MDH2: variants seen among roughly 807,000 people sequenced by gnomAD.
MDH2 encodes the protein malate dehydrogenase 2.
Under a neutral mutation model 33.6 loss-of-function variants are expected in MDH2, and 25 were observed. That is an observed-to-expected ratio of 0.74 (90% confidence interval 0.54 to 1.04). MDH2 has a LOEUF of 1.04. Ranked by LOEUF, MDH2 falls within the 50% of genes least tolerant of loss-of-function variation. The pLI is 0.00. For synonymous variants in MDH2, 193 were observed against 188.7 expected (o/e 1.02, Z -0.19); for missense variants, 432 against 445.0 (o/e 0.97, Z 0.26).
chr7:76,058,575 C>T (rs1554586605), intron 4 of MDH2, among the ~76,000 whole-genome samples: 2 of 152,184 alleles, frequency 1.3e-5, no homozygotes, highest in African/African-American at 4.8e-5. Context: ...AATGCATAAA[C>T]TAGGCACAGT....
intron 7 of MDH2, 102 bp from the exon 8 acceptor site, chr7:76,064,700 T>A: frequency 7.5e-7 from 1 of 1,328,100 alleles, no homozygotes; most frequent in Non-Finnish European, 1.0e-6. Context: ...AATTCTCCAC[T>A]GTCAGGCTGG....
Position 76,066,414 on chromosome 7 carries a change from G to C in MDH2, c.*4G>C. 6.2e-7 allele frequency: 1 copy of C among 1,602,472 alleles called. No homozygotes were observed. The highest frequency in any genetic ancestry group is 2.2e-5 in the East Asian group (1 of 44,634). On this transcript the variant is annotated 3_prime_UTR_variant, in exon 9 of 9. Coordinates refer to ENST00000315758, the MANE Select transcript of MDH2 (RefSeq NM_005918.4). Reference sequence around the variant, plus strand: ...TTTCGTGAAGACCCTGAAGTGAGCCGCTGTGACGGGTGGCCAGTTTCCTTA... The same window carrying C: ...TTTCGTGAAGACCCTGAAGTGAGCCCCTGTGACGGGTGGCCAGTTTCCTTA...
chr7:76,064,458 C>T lies in MDH2; in HGVS notation c.733+20C>T, dbSNP rs782732724. ...GAGCAGGTAGAGTCTCAGGCAGCCCCGGGGCTGGGTGCCAGTGAGGCCCTG... is the reference window on the plus strand; with the variant it reads ...GAGCAGGTAGAGTCTCAGGCAGCCCTGGGGCTGGGTGCCAGTGAGGCCCTG... On this transcript the variant is annotated intron_variant, in intron 7 of 8. Transcript: ENST00000315758. 1.0e-5 allele frequency: 16 copies of T among 1,599,862 alleles called. No individual in the cohort carries two copies. In the African/African-American group the frequency reaches 1.5e-4, roughly 15 times the overall value.
chr7:76,059,499 T>C (rs370264116), intron 4 of MDH2, among the ~76,000 whole-genome samples: 6 of 152,236 alleles, frequency 3.9e-5, no homozygotes, highest in Admixed American at 1.3e-4. Flanking sequence ...CTCGGAAACG[T>C]TGAGTGCTGC....
At chr7:76,048,358 CTG>C in intron 1 of MDH2, 132 bp downstream of exon 1, 3 of 1,322,600 alleles carry the variant, frequency 2.3e-6, no homozygotes, top group East Asian at 2.7e-5. Context: ...TGGCTGGAGA[CTG>C]TGGCGCCCGG....
intron 1 of MDH2, among the ~76,000 whole-genome samples, chr7:76,053,085 T>C (rs996759122): frequency 6.6e-6 from 1 of 152,194 alleles, no homozygotes; most frequent in East Asian, 1.9e-4. Context: ...CTAAGTTAGA[T>C]AACGGAATAG....
chr7:76,066,584 G>T lies in MDH2; in HGVS notation c.*174G>T. On this transcript the variant is annotated 3_prime_UTR_variant, in exon 9 of 9. Coordinates refer to ENST00000315758, the MANE Select transcript of MDH2 (RefSeq NM_005918.4). ...GGGCGCATCAATAAAAGCCGTCCTTGATTTTATTTTTCAAGGTCCCTTCTG... is the reference window on the plus strand; with the variant it reads ...GGGCGCATCAATAAAAGCCGTCCTTTATTTTATTTTTCAAGGTCCCTTCTG... The T allele has an allele frequency of 2.6e-6, 2 of 761,580 alleles. No individual in the cohort carries two copies. Among genetic ancestry groups the T allele is most frequent in the Non-Finnish European group, 3.8e-6 (2 of 526,658 alleles). The allele number at this position is 761,580 out of a possible 1,614,324, so 47.2% of individuals were successfully genotyped here.
chr7:76,054,848 G>C lies in MDH2; in HGVS notation c.85G>C (p.Val29Leu), dbSNP rs781799479. 6.2e-7 allele frequency: 1 copy of C among 1,614,066 alleles called. No individual in the cohort carries two copies. The highest frequency in any genetic ancestry group is 2.2e-5 in the East Asian group (1 of 44,882). ...TTTTTAGAACAATGCTAAAGTAGCT[G>C]TGCTAGGGGCCTCTGGAGGCATCGG... Reference protein sequence around the residue: ...TSAQNNAKVAVLGASGGIGQP... With the variant: ...TSAQNNAKVALLGASGGIGQP... Residue 29 changes from valine (V) to leucine (L), a missense_variant, in exon 2 of 9, where the codon GTG becomes CTG. Physicochemically the swap from Val to Leu is conservative, Grantham distance 32. Coordinates refer to ENST00000315758, the MANE Select transcript of MDH2 (RefSeq NM_005918.4).
At chr7:76,054,028 G>A (rs1350617655) in intron 1 of MDH2, among the ~76,000 whole-genome samples, 1 of 152,174 alleles carries the variant, frequency 6.6e-6, no homozygotes, top group Admixed American at 6.5e-5. Flanking sequence ...CAAACTGTTT[G>A]GTATCAAAAT....
intron 1 of MDH2, among the ~76,000 whole-genome samples, chr7:76,051,025 G>T (rs1413544583): frequency 6.6e-6 from 1 of 152,024 alleles, no homozygotes; most frequent in Admixed American, 6.6e-5. Context: ...GGGATTACAG[G>T]TGCTGCCACC....
intron 1 of MDH2, among the ~76,000 whole-genome samples, chr7:76,052,430 CAAAAAAAA>C (rs57185949): frequency 0.61 from 78,127 of 128,884 alleles, 23,660 homozygotes; most frequent in Middle Eastern, 0.71. Flanking sequence ...GACCCTATCT[CAAAAAAAA>C]AAAAAAAAAA....
At chr7:76,048,679 G>T in intron 1 of MDH2, 1 of 1,245,224 alleles carries the variant, frequency 8.0e-7, no homozygotes, top group South Asian at 3.6e-5. Context: ...TGGACAAACC[G>T]AGGCTAGAGA....
rs569003236 is a variant in MDH2 at position 76,067,356 on chromosome 7, T to A, written c.*946T>A. On this transcript the variant is annotated 3_prime_UTR_variant, in exon 9 of 9. Transcript: ENST00000315758. ...TGCCCAGTACTTGGATGTTCATCTG[T>A]CCACAACAGCTTTTTGTTTTTTTAA... 2.0e-5 allele frequency: 3 copies of A among 152,302 alleles called. No individual in the cohort carries two copies. The highest frequency in any genetic ancestry group is 7.2e-5 in the African/African-American group (3 of 41,564). The allele number at this position is 152,302 out of a possible 1,614,324, so 9.4% of individuals were successfully genotyped here.
intron 2 of MDH2, among the ~76,000 whole-genome samples, chr7:76,056,834 G>A (rs1478219414): frequency 6.6e-6 from 1 of 152,074 alleles, no homozygotes; most frequent in African/African-American, 2.4e-5. Context: ...CCAACCTGGT[G>A]AAACCCCTTC....
chr7:76,052,813 A>G (rs1797665162), intron 1 of MDH2, among the ~76,000 whole-genome samples: 1 of 152,018 alleles, frequency 6.6e-6, no homozygotes, highest in South Asian at 2.1e-4. Context: ...GAGTGCTGGG[A>G]TTACAGGTGT....
intron 4 of MDH2, among the ~76,000 whole-genome samples, chr7:76,058,952 G>GT (rs1224236005): frequency 1.3e-5 from 2 of 152,172 alleles, no homozygotes; most frequent in African/African-American, 4.8e-5. Flanking sequence ...ATGGCATGCA[G>GT]TTTTTTTGTT....
chr7:76,048,789 T>C, intron 1 of MDH2: 1 of 1,224,692 alleles, frequency 8.2e-7, no homozygotes, highest in Non-Finnish European at 1.0e-6. Context: ...TCTCTCCTGC[T>C]GTGGGCGGAC....
At chr7:76,057,907 A>T (rs1554586495) in intron 3 of MDH2, 62 bp from the exon 4 acceptor site, 1 of 1,516,752 alleles carries the variant, frequency 6.6e-7, no homozygotes, top group East Asian at 2.3e-5. Context: ...CGCTCAGCAC[A>T]TGCTGCCTGT....
intron 2 of MDH2, among the ~76,000 whole-genome samples, 197 bp downstream of exon 2, chr7:76,055,195 G>A (rs1188399760): frequency 2.6e-5 from 4 of 152,202 alleles, no homozygotes; most frequent in African/African-American, 9.6e-5. Context: ...TTTTAGAAAT[G>A]TGAGGTAGCC....
Sources: gnomAD v4.1 joint callset for allele counts (sites outside exome capture counted in the v4.1 genomes callset) on GRCh38, gnomAD v4.1.1 for gene constraint, MANE v1.5 for transcripts, NCBI Gene and HGNC (gene_info 2026-07-23, HGNC 2026-07-21) for gene names.